Variants in ODAD2 observed in about 807,000 individuals in gnomAD.
ODAD2 encodes the protein outer dynein arm docking complex subunit 2.
ODAD2 carries 89 observed loss-of-function variants against 106.8 expected under a neutral mutation model. The observed-to-expected ratio is 0.83, with a 90% CI of 0.70 to 0.99. The LOEUF is 0.99. Among genes scored for constraint, ODAD2 ranks in the 50% least tolerant of loss-of-function variants. The pLI, the probability that ODAD2 is intolerant of heterozygous loss-of-function variation, is 0.00. For missense variants in ODAD2, 1,168 were observed against 1,238.5 expected, an observed-to-expected ratio of 0.94 and a Z score of 0.85; for synonymous variants, 404 against 436.2, an observed-to-expected ratio of 0.93 and a Z score of 0.92.
chr10:27,860,721 A>C lies in ODAD2; in HGVS notation c.2925T>G (p.Asn975Lys), dbSNP rs1481913275. The stretch of plus-strand genomic sequence containing the variant: ...CTGTCGCCCGATGCACGTTGGTGTC[A>C]TTTGATTTCAGATAACGCACTAGTG... ...VAPLVRYLKS[N>K]DTNVHRATAQ... Residue 975 changes from asparagine (N) to lysine (K), a missense_variant, in exon 19 of 20, where the codon AAT becomes AAG. Coordinates refer to ENST00000305242, the MANE Select transcript of ODAD2 (RefSeq NM_018076.5). The C allele has an allele frequency of 1.2e-6, 2 of 1,614,192 alleles. No homozygotes were observed.
Position 27,939,880 on chromosome 10 carries a change from G to A in ODAD2, c.2097+17C>T. The stretch of plus-strand genomic sequence containing the variant: ...GTGAGAAAGAACGCCAACAACCGCT[G>A]GGAGAGTTCACTGCACCTGGTAAAT... On this transcript the variant is annotated intron_variant, in intron 14 of 19. Coordinates refer to ENST00000305242, the MANE Select transcript of ODAD2 (RefSeq NM_018076.5). 2 of 1,519,424 alleles carry A rather than the reference G, an allele frequency of 1.3e-6. No individual in the cohort carries two copies. The highest frequency in any genetic ancestry group is 1.8e-6 in the Non-Finnish European group (2 of 1,114,622). 94.1% of individuals were successfully genotyped at this position (1,519,424 alleles called of 1,614,324 possible).
At chr10:27,966,231 C>T (rs113150412) in intron 9 of ODAD2, among the ~76,000 whole-genome samples, 2,309 of 152,248 alleles carry the variant, frequency 0.015, 43 homozygotes, top group African/African-American at 0.044. Flanking sequence ...GCATCTGTTC[C>T]CATTTAATGA....
intron 10 of ODAD2, among the ~76,000 whole-genome samples, chr10:27,953,206 C>T (rs1441239061): frequency 1.3e-5 from 2 of 152,108 alleles, no homozygotes; most frequent in Non-Finnish European, 2.9e-5. Context: ...GTTTTAAGTG[C>T]ACAATATATA....
In ODAD2 at chr10:27,899,419, TG is replaced by T. The variant is rs894350581; in HGVS notation, c.2610+8243del. Among the ~76,000 whole-genome samples, 315 of 150,180 alleles carry T rather than the reference TG, an allele frequency of 2.1e-3. 3 individuals carry two copies. Among genetic ancestry groups the T allele is most frequent in the African/African-American group, 7.3e-3 (300 of 40,846 alleles). On this transcript the variant is annotated intron_variant, in intron 17 of 19. Coordinates refer to ENST00000305242, the MANE Select transcript of ODAD2 (RefSeq NM_018076.5). ...GCAGACACCCAGCTAGCTGCAGGAG[TG>T]TTTTTTTCATACCCCAGTGGTGCCC...
At chr10:27,916,237 C>A (rs1844367492) in intron 16 of ODAD2, among the ~76,000 whole-genome samples, 1 of 151,976 alleles carries the variant, frequency 6.6e-6, no homozygotes, top group Non-Finnish European at 1.5e-5. Flanking sequence ...GGCAGACATA[C>A]TAGGGGAAGG....
chr10:27,917,963 C>T (rs1041845206), intron 16 of ODAD2, among the ~76,000 whole-genome samples: 1 of 150,942 alleles, frequency 6.6e-6, no homozygotes, highest in Non-Finnish European at 1.5e-5. Flanking sequence ...AAAACTGACC[C>T]AAGAAGGAAT....
chr10:27,993,832 A>G (rs1850374113), intron 2 of ODAD2, among the ~76,000 whole-genome samples: 1 of 152,204 alleles, frequency 6.6e-6, no homozygotes, highest in Admixed American at 6.5e-5. Context: ...AGGCATCTAC[A>G]GGAAGCTTTG....
intron 16 of ODAD2, among the ~76,000 whole-genome samples, chr10:27,921,343 T>C (rs1844765240): frequency 6.6e-6 from 1 of 151,908 alleles, no homozygotes; most frequent in Non-Finnish European, 1.5e-5. Flanking sequence ...TTAACTCTTT[T>C]ATAGGCAGGC....
chr10:27,946,058 A>G (rs1846895560), intron 10 of ODAD2, among the ~76,000 whole-genome samples: 1 of 149,416 alleles, frequency 6.7e-6, no homozygotes, highest in Non-Finnish European at 1.5e-5. Flanking sequence ...TATAATAGAT[A>G]AGGTAAACAT....
intron 13 of ODAD2, 28 bp downstream of exon 13, chr10:27,940,535 G>T: frequency 6.2e-7 from 1 of 1,608,242 alleles, no homozygotes; most frequent in Non-Finnish European, 8.5e-7. Context: ...AGTTGAGAAG[G>T]CAAGGGAAGC....
intron 2 of ODAD2, among the ~76,000 whole-genome samples, chr10:27,993,382 G>C (rs1391577605): frequency 6.6e-6 from 1 of 152,124 alleles, no homozygotes; most frequent in African/African-American, 2.4e-5. Context: ...GGGCGTGGTG[G>C]TTCACACCTG....
chr10:27,996,758 A>T (rs984515248), intron 1 of ODAD2, among the ~76,000 whole-genome samples: 1 of 152,202 alleles, frequency 6.6e-6, no homozygotes, highest in African/African-American at 2.4e-5. Flanking sequence ...AAATGACACC[A>T]TTGATGGCAA....
chr10:27,952,384 TTTTTA>T (rs1232580347), intron 10 of ODAD2, among the ~76,000 whole-genome samples: 2 of 151,876 alleles, frequency 1.3e-5, no homozygotes, highest in African/African-American at 2.4e-5. Context: ...TTGACAACTT[TTTTTA>T]TTTTATTTTT....
chr10:27,876,359 C>T (rs906608969), intron 17 of ODAD2, among the ~76,000 whole-genome samples: 14 of 152,158 alleles, frequency 9.2e-5, no homozygotes, highest in African/African-American at 2.9e-4. Flanking sequence ...TCCAGATGAA[C>T]GATCAGGCAG....
intron 19 of ODAD2, chr10:27,853,487 G>A (rs540689297): frequency 4.7e-5 from 8 of 170,056 alleles, no homozygotes; most frequent in Non-Finnish European, 8.7e-5. Flanking sequence ...TAAAACTTTA[G>A]TATGCTAATA....
chr10:27,839,288 G>A (rs891569531), intron 19 of ODAD2, among the ~76,000 whole-genome samples: 1 of 152,202 alleles, frequency 6.6e-6, no homozygotes, highest in East Asian at 1.9e-4. Flanking sequence ...TATGACACGC[G>A]GCAGCAAGTA....
Position 27,961,550 on chromosome 10 carries a change from A to G in ODAD2, c.1386+18T>C. 6.2e-7 allele frequency: 1 copy of G among 1,607,432 alleles called. No homozygotes were observed. The highest frequency in any genetic ancestry group is 8.5e-7 in the Non-Finnish European group (1 of 1,177,114). ...TTTAAATGAACATTGCAAACATACTACCATAGACCTTTCTTACCTTTAAAT... is the reference window on the plus strand; with the variant it reads ...TTTAAATGAACATTGCAAACATACTGCCATAGACCTTTCTTACCTTTAAAT... On this transcript the variant is annotated intron_variant, in intron 10 of 19. Transcript: ENST00000305242.
intron 17 of ODAD2, among the ~76,000 whole-genome samples, chr10:27,871,365 TC>T (rs1443518398): frequency 1.3e-5 from 2 of 152,218 alleles, no homozygotes; most frequent in Non-Finnish European, 2.9e-5. Context: ...TTTAATTAGA[TC>T]CCATTTGTCA....
intron 16 of ODAD2, among the ~76,000 whole-genome samples, chr10:27,926,020 A>AG (rs1845233190): frequency 6.6e-6 from 1 of 151,676 alleles, no homozygotes. Context: ...AAAAAAAAAA[A>AG]AAAAGTAACA....
Sources: allele counts gnomAD v4.1 joint callset (sites outside exome capture counted in the v4.1 genomes callset), GRCh38; gene constraint gnomAD v4.1.1; transcripts MANE v1.5; gene names NCBI Gene and HGNC (gene_info 2026-07-23, HGNC 2026-07-21).